DYDC2: variants seen among roughly 807,000 people sequenced by gnomAD.
The protein encoded by DYDC2 is DPY30 domain-containing protein 2.
In DYDC2, 19 loss-of-function variants were observed where a neutral mutation model predicts 18.7. The observed-to-expected ratio is 1.02, with a 90% CI of 0.71 to 1.49. The LOEUF (loss-of-function observed/expected upper bound fraction) is 1.49, where lower values mean the gene tolerates loss of function less well. Among genes scored for constraint, DYDC2 ranks in the 40% most tolerant of loss-of-function variants. The pLI is 0.00. For synonymous variants in DYDC2, 63 were observed against 67.6 expected (o/e 0.93, Z 0.34); for missense variants, 179 against 205.1 (o/e 0.87, Z 0.78).
chr10:80,364,508 A>G (rs1249287995), intron 4 of DYDC2, among the ~76,000 whole-genome samples: 1 of 152,212 alleles, frequency 6.6e-6, no homozygotes, highest in African/African-American at 2.4e-5. Context: ...CCCTAGTTTT[A>G]TGGTAGCTTT....
chr10:80,351,247 C>T (rs1156535676), intron 1 of DYDC2, among the ~76,000 whole-genome samples: 2 of 152,154 alleles, frequency 1.3e-5, no homozygotes, highest in East Asian at 3.8e-4. Flanking sequence ...CTCCTCTTTC[C>T]CTTGATTATA....
chr10:80,351,976 C>T (rs1716680558), upstream of DYDC2: 1 of 1,614,040 alleles, frequency 6.2e-7, no homozygotes, highest in African/African-American at 1.3e-5. Flanking sequence ...CTCTTTCACG[C>T]TCCAGCTTGG....
intron 4 of DYDC2, among the ~76,000 whole-genome samples, chr10:80,363,968 C>T (rs553031144): frequency 1.0e-3 from 153 of 152,274 alleles, no homozygotes; most frequent in Admixed American, 1.6e-3. Context: ...TTCACAATCT[C>T]CTGAAAAACG....
Position 80,358,812 on chromosome 10 carries a change from TCA to T in DYDC2, c.-10+770_-10+771del, listed in dbSNP as rs375782676. Among the ~76,000 whole-genome samples the T allele has an allele frequency of 4.6e-3, 706 of 152,302 alleles. 1 individual carries two copies. The highest frequency in any genetic ancestry group is 0.016 in the African/African-American group (679 of 41,554). ...AGTTCTAGAATGAAGCCGTGGACCC[TCA>T]CAGTGAGTATTACAGTTCTTAAAGG... On this transcript the variant is annotated intron_variant, in intron 2 of 4. Transcript: ENST00000256039.
rs1032729095 is a variant in DYDC2 at position 80,346,444 on chromosome 10, C to CTTTTTTTTTTTTTTTTTTTTT, written c.-310+1636_-310+1656dup. On this transcript the variant is annotated intron_variant, in intron 1 of 4. Transcript: ENST00000372197. ...TCACCAATGTGTGTCTCTTCCCTTT[C>CTTTTTTTTTTTTTTTTTTTTT]TTTTTTTTTTTTTTTTTTTTTTTTT... Among the ~76,000 whole-genome samples the CTTTTTTTTTTTTTTTTTTTTT allele has an allele frequency of 2.2e-3, 182 of 83,366 alleles. 25 individuals carry two copies. The highest frequency in any genetic ancestry group is 7.7e-3 in the African/African-American group (155 of 20,120). The allele number at this position is 83,366 out of a possible 152,430, so 54.7% of individuals were successfully genotyped here.
chr10:80,352,674 G>C (rs1355166168), upstream of DYDC2: 1 of 1,506,708 alleles, frequency 6.6e-7, no homozygotes, highest in Non-Finnish European at 8.9e-7. Context: ...TAAAACTAAA[G>C]TCCAGTGAGG....
chr10:80,352,397 CA>C (rs1833941373), upstream of DYDC2: 1 of 1,463,274 alleles, frequency 6.8e-7, no homozygotes, highest in South Asian at 1.5e-5. Flanking sequence ...TTTTTAAAAG[CA>C]GACAAGTTGG....
chr10:80,346,468 T>TTTC (rs1842642170), intron 1 of DYDC2, among the ~76,000 whole-genome samples: 1 of 138,112 alleles, frequency 7.2e-6, no homozygotes, highest in East Asian at 2.0e-4. Context: ...TTTTTTTTTT[T>TTTC]TTTCTTTTTT....
chr10:80,362,799 G>A, intron 3 of DYDC2, 152 bp from the exon 4 acceptor site: 1 of 1,252,722 alleles, frequency 8.0e-7, no homozygotes, highest in South Asian at 1.5e-5. Flanking sequence ...GGAGTTGAAG[G>A]GTTTGTAACT....
Position 80,363,040 on chromosome 10 carries a change from T to G in DYDC2, c.237T>G (p.Tyr79Ter), listed in dbSNP as rs1843711545. The G allele has an allele frequency of 1.2e-6, 2 of 1,613,720 alleles. No homozygotes were observed. The highest frequency in any genetic ancestry group is 1.7e-6 in the Non-Finnish European group (2 of 1,179,946). The part of the protein sequence containing the change: ...EMTEMLKQEE[Y>*]QIQQNCEKCH... ...CAGAAATGCTGAAACAGGAAGAGTA[T>G]CAGATTCAACAGAACTGTGAAAAGT... The change falls in exon 4 of 5, where the codon TAT (tyrosine) becomes TAG (stop). Residue 79 changes from tyrosine to a stop codon, truncating the protein, a stop_gained. Coordinates refer to ENST00000256039, the MANE Select transcript of DYDC2 (RefSeq NM_032372.6). LOFTEE classifies it high-confidence loss of function.
chr10:80,347,239 T>C (rs1842702916), intron 1 of DYDC2, among the ~76,000 whole-genome samples: 1 of 150,182 alleles, frequency 6.7e-6, no homozygotes, highest in Non-Finnish European at 1.5e-5. Context: ...TGGAGAAATG[T>C]CTATTTAGGT....
At chr10:80,366,567 G>A in intron 4 of DYDC2, 121 bp from the exon 5 acceptor site, 1 of 1,190,312 alleles carries the variant, frequency 8.4e-7, no homozygotes, top group Non-Finnish European at 1.2e-6. Flanking sequence ...TGTTAAAGCA[G>A]GGCTATTTCA....
intron 2 of DYDC2, among the ~76,000 whole-genome samples, chr10:80,359,922 AG>A (rs1316196385): frequency 5.9e-5 from 9 of 152,136 alleles, no homozygotes; most frequent in Non-Finnish European, 2.9e-5. Flanking sequence ...GCCAGCCCAG[AG>A]GGGCTCCCAC....
rs1180912667 is a variant in DYDC2, at chr10:80,362,455, C to T, written c.12C>T (p.Asn4=). 6.2e-7 allele frequency: 1 copy of T among 1,613,336 alleles called. No individual in the cohort carries two copies. The highest frequency in any genetic ancestry group is 1.3e-5 in the African/African-American group (1 of 74,924). Residue 4 remains asparagine (N), a synonymous_variant, in exon 3 of 5, where the codon AAC becomes AAT. Coordinates refer to ENST00000256039, the MANE Select transcript of DYDC2 (RefSeq NM_032372.6). ...TCCAGGCTGCCAGGATGGAAACTAA[C>T]TACCTGAAGAGGTGCTTTGGAAATT... The part of the protein sequence containing the change: MET[N]YLKRCFGNCL...
upstream of DYDC2, among the ~76,000 whole-genome samples, chr10:80,354,669 G>T (rs12570038): frequency 0.097 from 14,793 of 151,922 alleles, 964 homozygotes; most frequent in East Asian, 0.29. Context: ...GTGTGGAGCC[G>T]TCATGCATGG....
At chr10:80,346,233 T>G in intron 1 of DYDC2, among the ~76,000 whole-genome samples, 1 of 152,194 alleles carries the variant, frequency 6.6e-6, no homozygotes, top group Non-Finnish European at 1.5e-5. Flanking sequence ...GCAATGGACA[T>G]GGGAGTGCAA....
chr10:80,355,871 AAAG>A (rs1231586981), upstream of DYDC2, among the ~76,000 whole-genome samples: 1 of 152,152 alleles, frequency 6.6e-6, no homozygotes, highest in Admixed American at 6.5e-5. Context: ...CATACAGAGA[AAAG>A]AATTATTACA....
At chr10:80,350,765 A>G (rs1246091086) in intron 1 of DYDC2, among the ~76,000 whole-genome samples, 3 of 152,208 alleles carry the variant, frequency 2.0e-5, no homozygotes, top group African/African-American at 2.4e-5. Context: ...TGGTAGAACT[A>G]TGGAAGTGGC....
At chr10:80,348,065 A>C (rs1842774928) in intron 1 of DYDC2, among the ~76,000 whole-genome samples, 1 of 152,192 alleles carries the variant, frequency 6.6e-6, no homozygotes, top group Admixed American at 6.5e-5. Flanking sequence ...TTTTAACAAT[A>C]CTAACTCTTC....
Sources: gnomAD v4.1 joint callset for allele counts (sites outside exome capture counted in the v4.1 genomes callset) on GRCh38, gnomAD v4.1.1 for gene constraint, MANE v1.5 for transcripts, NCBI Gene and HGNC (gene_info 2026-07-23, HGNC 2026-07-21) for gene names.